Variants in GRM7 observed in about 807,000 individuals in gnomAD.
The protein encoded by GRM7 is metabotropic glutamate receptor 7.
In GRM7, 35 loss-of-function variants were observed where a neutral mutation model predicts 84.5. That is an observed-to-expected ratio of 0.41 (90% confidence interval 0.32 to 0.55). GRM7 has a LOEUF of 0.55. Ranked by LOEUF, GRM7 falls within the 20% of genes least tolerant of loss-of-function variation. The probability of loss-of-function intolerance (pLI) is 0.19; values close to 1 mark genes in which losing one functional copy is unlikely to be tolerated. For missense variants in GRM7, 1,003 were observed against 1,194.6 expected (o/e 0.84, Z 2.36); for synonymous variants, 487 against 455.1 (o/e 1.07, Z -0.89).
intron 7 of GRM7, among the ~76,000 whole-genome samples, chr3:7,563,842 CA>C (rs1475470100): frequency 2.6e-5 from 4 of 152,148 alleles, no homozygotes; most frequent in Non-Finnish European, 5.9e-5. Context: ...CTGTCAACTT[CA>C]GACAAACAGT....
chr3:7,580,473 G>T (rs1216604614), intron 8 of GRM7, among the ~76,000 whole-genome samples: 1 of 152,164 alleles, frequency 6.6e-6, no homozygotes, highest in African/African-American at 2.4e-5. Context: ...AACAGCCTGT[G>T]TATCCAGGAA....
chr3:7,176,461 A>G (rs1418713997), intron 2 of GRM7, among the ~76,000 whole-genome samples: 1 of 152,056 alleles, frequency 6.6e-6, no homozygotes, highest in Admixed American at 6.6e-5. Flanking sequence ...GGCACTTTAT[A>G]TTATGATTTT....
intron 7 of GRM7, among the ~76,000 whole-genome samples, chr3:7,495,755 C>T (rs563512703): frequency 6.6e-6 from 1 of 152,202 alleles, no homozygotes; most frequent in Admixed American, 6.5e-5. Context: ...TCTTCTGTTG[C>T]TAGGTTGTGA....
In GRM7 at chr3:7,387,021, G is replaced by C. The variant is rs567676146; in HGVS notation, c.1034-28002G>C. On this transcript the variant is annotated intron_variant, in intron 4 of 9. Coordinates refer to ENST00000357716, the MANE Select transcript of GRM7 (RefSeq NM_000844.4). ...TATTTGCATTTATCTAATGATTACT[G>C]ATTTTGAGCATTTTTTATAAGTTTA... is the stretch of plus-strand genomic sequence containing the variant. Among the ~76,000 whole-genome samples the C allele has an allele frequency of 6.6e-5, 10 of 152,232 alleles. No homozygotes were observed. The South Asian group carries it at 2.1e-3, about 32-fold the overall frequency.
intron 1 of GRM7, among the ~76,000 whole-genome samples, chr3:7,062,148 T>C (rs1697452686): frequency 1.3e-5 from 2 of 151,708 alleles, no homozygotes; most frequent in African/African-American, 4.8e-5. Flanking sequence ...TAAAAGGGAA[T>C]ACTTACAGAA....
intron 1 of GRM7, among the ~76,000 whole-genome samples, chr3:6,999,243 A>C (rs1228086341): frequency 1.3e-5 from 2 of 152,168 alleles, no homozygotes; most frequent in African/African-American, 4.8e-5. Context: ...CCTTCATTAA[A>C]GTCCCAACAA....
chr3:6,897,954 C>G (rs1696245402), intron 1 of GRM7, among the ~76,000 whole-genome samples: 1 of 152,162 alleles, frequency 6.6e-6, no homozygotes, highest in Non-Finnish European at 1.5e-5. Flanking sequence ...TGCCGCCATC[C>G]ATCACTCAGC....
intron 7 of GRM7, among the ~76,000 whole-genome samples, chr3:7,572,674 T>A (rs2125047139): frequency 6.7e-6 from 1 of 149,554 alleles, no homozygotes; most frequent in African/African-American, 2.5e-5. Flanking sequence ...ACAAAAAAAT[T>A]AGCCAGGCAT....
At chr3:6,913,416 G>A (rs960278802) in intron 1 of GRM7, among the ~76,000 whole-genome samples, 3 of 152,250 alleles carry the variant, frequency 2.0e-5, no homozygotes, top group South Asian at 2.1e-4. Context: ...ACTTAGAAAA[G>A]TTGGAATTTT....
At chr3:7,566,500 A>G (rs1199379544) in intron 7 of GRM7, among the ~76,000 whole-genome samples, 4 of 152,242 alleles carry the variant, frequency 2.6e-5, no homozygotes, top group Non-Finnish European at 5.9e-5. Context: ...AATTGGAATA[A>G]AAATATCTAT....
At chr3:7,661,603 G>T (rs1350334676) in intron 8 of GRM7, among the ~76,000 whole-genome samples, 1 of 151,768 alleles carries the variant, frequency 6.6e-6, no homozygotes, top group Non-Finnish European at 1.5e-5. Flanking sequence ...GACCATCCTG[G>T]CTTACACGGT....
chr3:7,490,228 T>A (rs1461645528), intron 7 of GRM7, among the ~76,000 whole-genome samples: 1 of 152,144 alleles, frequency 6.6e-6, no homozygotes, highest in Non-Finnish European at 1.5e-5. Context: ...TTTCCCAGTG[T>A]TTTTTACCTT....
chr3:6,910,543 A>G (rs1168607893), intron 1 of GRM7, among the ~76,000 whole-genome samples: 1 of 152,112 alleles, frequency 6.6e-6, no homozygotes, highest in East Asian at 1.9e-4. Context: ...AGAATGCAAA[A>G]TCATGACCTC....
At chr3:7,022,946 G>A (rs977670749) in intron 1 of GRM7, among the ~76,000 whole-genome samples, 12 of 152,154 alleles carry the variant, frequency 7.9e-5, no homozygotes, top group African/African-American at 2.9e-4. Context: ...TATTATAGAA[G>A]GAAGCTTATA....
chr3:7,105,059 G>T (rs1326737281), intron 1 of GRM7, among the ~76,000 whole-genome samples: 1 of 151,658 alleles, frequency 6.6e-6, no homozygotes, highest in African/African-American at 2.4e-5. Flanking sequence ...TTACTAGTAG[G>T]TACAAAAGAT....
At chr3:7,222,262 T>A (rs1393229650) in intron 2 of GRM7, among the ~76,000 whole-genome samples, 1 of 152,126 alleles carries the variant, frequency 6.6e-6, no homozygotes, top group Non-Finnish European at 1.5e-5. Flanking sequence ...TTCCATCCAC[T>A]GATCATTGAA....
intron 2 of GRM7, among the ~76,000 whole-genome samples, chr3:7,257,595 C>A (rs1172691344): frequency 6.6e-6 from 1 of 152,168 alleles, no homozygotes; most frequent in African/African-American, 2.4e-5. Flanking sequence ...TCAAATCTAT[C>A]ACAGGATGCA....
chr3:7,291,551 T>TAGAGA lies in GRM7; in HGVS notation c.737-7133_737-7132insAGAGA, dbSNP rs1699627870. On this transcript the variant is annotated intron_variant, in intron 2 of 9. Coordinates refer to ENST00000357716, the MANE Select transcript of GRM7 (RefSeq NM_000844.4). ...CTCTCTCTCTCTCTCTCTCTCTCTC[T>TAGAGA]CTCAATCCCTCCGTCTGTCTATTTT... 4.2e-5 allele frequency among the ~76,000 whole-genome samples: 5 copies of TAGAGA among 120,062 alleles called. No homozygotes were observed. The South Asian group carries it at 1.4e-3, about 33-fold the overall frequency. The allele number at this position is 120,062 out of a possible 152,430, so 78.8% of individuals were successfully genotyped here.
intron 7 of GRM7, among the ~76,000 whole-genome samples, chr3:7,532,671 T>C (rs375657561): frequency 4.6e-5 from 7 of 151,904 alleles, no homozygotes; most frequent in East Asian, 3.9e-4. Flanking sequence ...AGCTTTTGAA[T>C]TTGTTTGCTC....
Sources: gnomAD v4.1 joint callset for allele counts (sites outside exome capture counted in the v4.1 genomes callset) on GRCh38, gnomAD v4.1.1 for gene constraint, MANE v1.5 for transcripts, NCBI Gene and HGNC (gene_info 2026-07-23, HGNC 2026-07-21) for gene names.